Variants in SEMA3A observed in about 807,000 individuals in gnomAD.
SEMA3A encodes the protein semaphorin-3A.
In SEMA3A, 29 loss-of-function variants were observed where a neutral mutation model predicts 97.9. The ratio of observed to expected loss-of-function variants is 0.30; its 90% CI spans 0.22 to 0.40. The LOEUF (loss-of-function observed/expected upper bound fraction) is 0.40. Ranked by LOEUF, SEMA3A falls within the 10% of genes least tolerant of loss-of-function variation. The pLI is 1.00. For synonymous variants in SEMA3A, 321 were observed against 323.7 expected, an observed-to-expected ratio of 0.99 and a Z score of 0.09; for missense variants, 763 against 951.3, an observed-to-expected ratio of 0.80 and a Z score of 2.60.
intron 3 of SEMA3A, among the ~76,000 whole-genome samples, chr7:84,214,229 TG>T (rs1798694125): frequency 6.6e-6 from 1 of 152,296 alleles, no homozygotes; most frequent in South Asian, 2.1e-4. Context: ...AAACTAAGCC[TG>T]GGCAAATTAA....
At position 84,060,487 on chromosome 7, in the gene SEMA3A, C is replaced by A. The variant is rs1193114121; in HGVS notation, c.525G>T (p.Leu175=). The change falls in exon 5 of 17, where the codon CTG becomes CTT. Residue 175 remains leucine (L), a synonymous_variant. Coordinates refer to ENST00000265362, the MANE Select transcript of SEMA3A (RefSeq NM_006080.3). The part of the protein sequence containing the change: ...GRGKSPYDPK[L]LTASLLIDGE... ...CACCTATTAAAAGGGATGCTGTCAG[C>A]AGCTTAGGGTCATATGGACTCTTCC... is the stretch of plus-strand genomic sequence containing the variant. 6.3e-7 allele frequency: 1 copy of A among 1,585,906 alleles called. No individual in the cohort carries two copies. Among genetic ancestry groups the A allele is most frequent in the Non-Finnish European group, 8.5e-7 (1 of 1,169,984 alleles).
At position 84,291,928 on chromosome 7, in the gene SEMA3A, A is replaced by C. The variant is rs151012670; in HGVS notation, c.-83+15279T>G. On this transcript the variant is annotated intron_variant, in intron 3 of 3. Coordinates refer to the SEMA3A transcript ENST00000424555. ...AGCCACAGCTGTGCTGTAATCATTG[A>C]AGTGTGCCCAGTGCATAATGGCACA... Among the ~76,000 whole-genome samples the C allele has an allele frequency of 2.9e-3, 435 of 152,268 alleles. 2 individuals carry two copies. The highest frequency in any genetic ancestry group is 9.3e-3 in the African/African-American group (387 of 41,568).
At position 84,239,066 on chromosome 7, in the gene SEMA3A, A is replaced by G. The variant is rs1272985666; in HGVS notation, c.-82-44398T>C. ...TGTAGCAAACCTAAAAACTTAAAGA[A>G]TGTAGACCAAAAATAATTATATCAT... On this transcript the variant is annotated intron_variant, in intron 3 of 3. Transcript: ENST00000424555. 2.0e-5 allele frequency among the ~76,000 whole-genome samples: 3 copies of G among 152,138 alleles called. No individual in the cohort carries two copies. In the East Asian group the frequency reaches 5.8e-4, roughly 29 times the overall value.
chr7:84,468,183 G>A (rs1325040314), intron 1 of SEMA3A, among the ~76,000 whole-genome samples: 1 of 152,154 alleles, frequency 6.6e-6, no homozygotes, highest in African/African-American at 2.4e-5. Flanking sequence ...TTTTTAAATT[G>A]GAACACTCTC....
chr7:84,166,326 C>A (rs147492138), intron 1 of SEMA3A, among the ~76,000 whole-genome samples: 3,784 of 150,978 alleles, frequency 0.025, 78 homozygotes, highest in Non-Finnish European at 0.038. Flanking sequence ...GTAATCCCAG[C>A]ACTTTGGGAG....
chr7:84,357,500 G>A (rs927682170), intron 2 of SEMA3A, among the ~76,000 whole-genome samples: 2 of 152,088 alleles, frequency 1.3e-5, no homozygotes, highest in African/African-American at 2.4e-5. Context: ...ATTCCATTGT[G>A]TATATGTGCC....
intron 5 of SEMA3A, 129 bp downstream of exon 5, chr7:84,060,336 T>C: frequency 1.6e-6 from 1 of 641,308 alleles, no homozygotes; most frequent in Non-Finnish European, 2.7e-6. Flanking sequence ...CATTTGAATA[T>C]ATCACAACTA....
At chr7:84,334,900 A>G (rs1043106338) in intron 2 of SEMA3A, among the ~76,000 whole-genome samples, 2 of 144,766 alleles carry the variant, frequency 1.4e-5, no homozygotes, top group Admixed American at 7.3e-5. Flanking sequence ...CTCATTTTCT[A>G]CTTAGACTAC....
At chr7:84,044,590 T>C (rs1193162902) in intron 6 of SEMA3A, among the ~76,000 whole-genome samples, 1 of 152,006 alleles carries the variant, frequency 6.6e-6, no homozygotes, top group African/African-American at 2.4e-5. Flanking sequence ...AGAGACATTG[T>C]CAAAGTAGAG....
chr7:83,974,641 C>T (rs773905849), intron 15 of SEMA3A, among the ~76,000 whole-genome samples: 14 of 152,074 alleles, frequency 9.2e-5, no homozygotes, highest in Admixed American at 7.9e-4. Context: ...CAAATACTGA[C>T]GTCAACTATT....
intron 3 of SEMA3A, among the ~76,000 whole-genome samples, chr7:84,260,727 A>AG (rs1212584263): frequency 2.0e-5 from 3 of 152,132 alleles, no homozygotes; most frequent in Admixed American, 1.3e-4. Flanking sequence ...AAGGAGGCCA[A>AG]GGGGGGGACT....
chr7:83,986,602 G>A (rs747016298), intron 12 of SEMA3A, among the ~76,000 whole-genome samples: 2 of 152,100 alleles, frequency 1.3e-5, no homozygotes, highest in Non-Finnish European at 2.9e-5. Context: ...CAAACATTAC[G>A]AGAAGACAGA....
In SEMA3A at chr7:83,980,623, A is replaced by AAAAAAAAAAAAAAAATATAT. The variant is rs1310318006; in HGVS notation, c.1652+697_1652+698insATATATTTTTTTTTTTTTTT. ...CATCTCAAAAAAAAAAAAAAAAAAA[A>AAAAAAAAAAAAAAAATATAT]ATATATATATATATATACACACACA... is the stretch of plus-strand genomic sequence containing the variant. On this transcript the variant is annotated intron_variant, in intron 14 of 16. Coordinates refer to ENST00000265362, the MANE Select transcript of SEMA3A (RefSeq NM_006080.3). 1.0e-3 allele frequency among the ~76,000 whole-genome samples: 75 copies of AAAAAAAAAAAAAAAATATAT among 71,664 alleles called. 1 individual carries two copies. The highest frequency in any genetic ancestry group is 0.01 in the Middle Eastern group (1 of 98). 47.0% of individuals were successfully genotyped at this position (71,664 alleles called of 152,430 possible).
chr7:83,961,948 A>C (rs1348373330), intron 16 of SEMA3A, 122 bp from the exon 17 acceptor site: 2 of 649,390 alleles, frequency 3.1e-6, no homozygotes, highest in East Asian at 2.9e-5. Context: ...GTTAATAAAA[A>C]TTTTTAATTT....
At chr7:84,150,942 G>A (rs1435466531) in intron 1 of SEMA3A, among the ~76,000 whole-genome samples, 9 of 140,558 alleles carry the variant, frequency 6.4e-5, no homozygotes, top group South Asian at 5.0e-4. Flanking sequence ...CCTGACCCCT[G>A]AGCAGCCTAA....
At chr7:84,020,837 G>C (rs1791301431) in intron 6 of SEMA3A, among the ~76,000 whole-genome samples, 1 of 151,866 alleles carries the variant, frequency 6.6e-6, no homozygotes, top group African/African-American at 2.4e-5. Context: ...TCTTCCCCCT[G>C]CATTATCTAT....
chr7:84,379,425 A>C (rs558208761), intron 1 of SEMA3A, among the ~76,000 whole-genome samples: 2 of 152,198 alleles, frequency 1.3e-5, no homozygotes, highest in African/African-American at 4.8e-5. Flanking sequence ...AAGTATTGAC[A>C]TCAAGGATAA....
At chr7:84,175,434 T>C (rs150796259) in intron 1 of SEMA3A, among the ~76,000 whole-genome samples, 1 of 152,232 alleles carries the variant, frequency 6.6e-6, no homozygotes, top group Non-Finnish European at 1.5e-5. Context: ...GTATGAACAT[T>C]AGGAAAGACT....
intron 1 of SEMA3A, among the ~76,000 whole-genome samples, chr7:84,395,169 C>T (rs1186982687): frequency 6.6e-6 from 1 of 151,932 alleles, no homozygotes; most frequent in Admixed American, 6.6e-5. Flanking sequence ...AAAAAATTAT[C>T]CTTTGAGAAT....
Sources: gnomAD v4.1 joint callset for allele counts (sites outside exome capture counted in the v4.1 genomes callset) on GRCh38, gnomAD v4.1.1 for gene constraint, MANE v1.5 for transcripts, NCBI Gene and HGNC (gene_info 2026-07-23, HGNC 2026-07-21) for gene names.